RASGRP4: variants seen among roughly 807,000 people sequenced by gnomAD.
The protein encoded by RASGRP4 is RAS guanyl-releasing protein 4.
RASGRP4 carries 52 observed loss-of-function variants against 84.4 expected under a neutral mutation model. That is an observed-to-expected ratio of 0.62 (90% CI 0.49 to 0.78). The LOEUF is 0.78. RASGRP4 is among the 30% of genes least tolerant of loss of function. The probability of loss-of-function intolerance (pLI) is 0.00; values close to 1 mark genes in which losing one functional copy is unlikely to be tolerated. For synonymous variants in RASGRP4, 356 were observed against 359.1 expected (o/e 0.99, Z 0.10); for missense variants, 760 against 886.9 (o/e 0.86, Z 1.82).
chr19:38,422,425 G>T (rs1366482811), intron 1 of RASGRP4, among the ~76,000 whole-genome samples: 1 of 152,106 alleles, frequency 6.6e-6, no homozygotes, highest in African/African-American at 2.4e-5. Context: ...TCAAGACCAG[G>T]GGTCCCCAGC....
Position 38,410,031 on chromosome 19 carries a change from A to AAGAG in RASGRP4, c.*5_*8dup. The AAGAG allele has an allele frequency of 6.2e-7, 1 of 1,609,646 alleles. No homozygotes were observed. ...AAGGGAGTGAGGAAGAGAGGAGACC[A>AAGAG]AGAGATGTCTAGGAATCCAGCTTGG... On this transcript the variant is annotated 3_prime_UTR_variant, in exon 17 of 17. Coordinates refer to ENST00000615439, the MANE Select transcript of RASGRP4 (RefSeq NM_170604.3).
intron 8 of RASGRP4, among the ~76,000 whole-genome samples, chr19:38,416,015 C>T (rs549595917): frequency 6.6e-5 from 10 of 151,126 alleles, no homozygotes; most frequent in African/African-American, 2.4e-4. Flanking sequence ...GCCAAGATTT[C>T]GACACTGTAC....
chr19:38,414,174 C>T (rs1971395325), intron 9 of RASGRP4, among the ~76,000 whole-genome samples: 1 of 152,192 alleles, frequency 6.6e-6, no homozygotes, highest in South Asian at 2.1e-4. Flanking sequence ...ATCCGCCTAC[C>T]TCAGCCTCCC....
At chr19:38,419,691 CTT>C (rs1470855201) in intron 6 of RASGRP4, among the ~76,000 whole-genome samples, 167 bp downstream of exon 6, 1 of 152,222 alleles carries the variant, frequency 6.6e-6, no homozygotes, top group Non-Finnish European at 1.5e-5. Flanking sequence ...GCCTTGGCCT[CTT>C]TAACTCATTT....
chr19:38,416,466 A>C (rs1443637875), intron 8 of RASGRP4, among the ~76,000 whole-genome samples: 1 of 78,534 alleles, frequency 1.3e-5, no homozygotes, highest in Non-Finnish European at 2.1e-5. Context: ...TCTGTCTCAA[A>C]AAAAAAAAAA....
At position 38,409,229 on chromosome 19, in the gene RASGRP4, C is replaced by T. The variant is rs767622128; in HGVS notation, c.*811G>A. ...TGCCCTATAGCACATCTATCCTGTG[C>T]CGTGGGCATGGGTAAGGAGACATTC... On this transcript the variant is annotated 3_prime_UTR_variant, in exon 17 of 17. Coordinates refer to ENST00000615439, the MANE Select transcript of RASGRP4 (RefSeq NM_170604.3). 2.2e-5 allele frequency: 4 copies of T among 183,944 alleles called. No individual in the cohort carries two copies. Among genetic ancestry groups the T allele is most frequent in the Non-Finnish European group, 3.4e-5 (3 of 88,728 alleles). The allele number at this position is 183,944 out of a possible 1,614,324, so 11.4% of individuals were successfully genotyped here.
Position 38,413,293 on chromosome 19 carries a change from G to C in RASGRP4, c.1316C>G (p.Pro439Arg). The change falls in exon 11 of 17, where the codon CCC becomes CGC. Residue 439 changes from proline to arginine, a missense_variant. Pro to Arg is a moderately radical substitution (Grantham distance 103, BLOSUM62 -2). Coordinates refer to ENST00000615439, the MANE Select transcript of RASGRP4 (RefSeq NM_170604.3). The surrounding 1 kb of genome is among the most constrained non-coding windows in gnomAD (Gnocchi z 4.7). ...CACCAGAGGTGCATTGAAGGGGGAG[G>C]GTGGCTGGGGCGGGGACAGAGGAGC... ...REPRCPKSLP[P>R]SPFNAPLVVE... is the part of the protein sequence containing the mutation. 1 of 1,613,482 alleles carries C rather than the reference G, an allele frequency of 6.2e-7. No homozygotes were observed. The highest frequency in any genetic ancestry group is 8.5e-7 in the Non-Finnish European group (1 of 1,179,590).
rs775534220 is a variant in RASGRP4, at chr19:38,410,001, G to C, written c.*39C>G. 3 of 1,566,376 alleles carry C rather than the reference G, an allele frequency of 1.9e-6. No homozygotes were observed. The highest frequency in any genetic ancestry group is 1.7e-6 in the Non-Finnish European group (2 of 1,144,356). ...CTGACGGCAGGACTCAGGACTGACT[G>C]GGGGAAGGGAGTGAGGAAGAGAGGA... On this transcript the variant is annotated 3_prime_UTR_variant, in exon 17 of 17. Transcript: ENST00000615439.
rs753749971 is a variant in RASGRP4, at chr19:38,420,955, T to G, written c.330A>C (p.Thr110=). 12 of 1,613,956 alleles carry G rather than the reference T, an allele frequency of 7.4e-6. No homozygotes were observed. The Admixed American group carries it at 2.0e-4, about 27-fold the overall frequency. ...GCCGTCTCAGCTCCTGGGTGTCCCC[T>G]GTGGCCTTCTGGTATTTGAGTTCTG... ...ARLLTSYQKA[T]GDTQELRRLQ... Residue 110 remains threonine (T), a synonymous_variant, in exon 4 of 17, where the codon ACA becomes ACC. Transcript: ENST00000615439.
Position 38,412,253 on chromosome 19 carries a change from G to A in RASGRP4, c.1680+419C>T, listed in dbSNP as rs942743795. 6.6e-6 allele frequency among the ~76,000 whole-genome samples: 1 copy of A among 152,016 alleles called. No homozygotes were observed. The highest frequency in any genetic ancestry group is 2.4e-5 in the African/African-American group (1 of 41,382). On this transcript the variant is annotated intron_variant, in intron 13 of 16. Coordinates refer to ENST00000615439, the MANE Select transcript of RASGRP4 (RefSeq NM_170604.3). The surrounding 1 kb of genome is among the most constrained non-coding windows in gnomAD (Gnocchi z 4.6). Reference sequence around the variant, plus strand: ...GTGCCTCAGCCTCCTGAGTAGCTGGGATCACAGGTATGCACCACCACATGC... The same window carrying A: ...GTGCCTCAGCCTCCTGAGTAGCTGGAATCACAGGTATGCACCACCACATGC...
In RASGRP4 at chr19:38,421,143, T is replaced by G. The variant is rs1348963464; in HGVS notation, c.266A>C (p.His89Pro). 6.2e-7 allele frequency: 1 copy of G among 1,613,870 alleles called. No individual in the cohort carries two copies. Among genetic ancestry groups the G allele is most frequent in the Admixed American group, 1.7e-5 (1 of 60,012 alleles). Residue 89 changes from histidine (H) to proline (P), a missense_variant, in exon 3 of 17, where the codon CAC becomes CCC. Coordinates refer to ENST00000615439, the MANE Select transcript of RASGRP4 (RefSeq NM_170604.3). Reference sequence around the variant, plus strand: ...GTCGGCGGACGGCAGCACCCAGCTGTGCATGGCCAGCACCATGTTGAGCAT... The same window carrying G: ...GTCGGCGGACGGCAGCACCCAGCTGGGCATGGCCAGCACCATGTTGAGCAT... ...DHMLNMVLAMHSWVLPSADLA... is the reference protein window; with the variant it reads ...DHMLNMVLAMPSWVLPSADLA...
chr19:38,416,510 G>A (rs1308137632), intron 8 of RASGRP4, among the ~76,000 whole-genome samples: 3 of 148,914 alleles, frequency 2.0e-5, no homozygotes, highest in South Asian at 2.1e-4. Context: ...ATGGGGTCTC[G>A]CTATGTTGCC....
At chr19:38,422,598 G>A (rs866677248) in intron 1 of RASGRP4, among the ~76,000 whole-genome samples, 2 of 148,110 alleles carry the variant, frequency 1.4e-5, no homozygotes, top group Admixed American at 6.8e-5. Context: ...TCTAGGCTGC[G>A]TGCTGTTTAT....
chr19:38,412,757 C>T lies in RASGRP4; in HGVS notation c.1595G>A (p.Cys532Tyr). ...TGYLLRASAI[C>Y]SKLGLAFLHT... ...CAGGAAGGCCAGGCCCAACTTGGAG[C>T]AGATGGCGCTGGCCCGGAGCAGGTA... Residue 532 changes from cysteine to tyrosine, a missense_variant, in exon 13 of 17, where the codon TGC becomes TAC. Cys to Tyr is a radical substitution (Grantham distance 194). Coordinates refer to ENST00000615439, the MANE Select transcript of RASGRP4 (RefSeq NM_170604.3). This position sits in a 1 kb window ranked among gnomAD's most constrained non-coding sequence, Gnocchi z 4.6. 6.2e-7 allele frequency: 1 copy of T among 1,610,412 alleles called. No homozygotes were observed. Among genetic ancestry groups the T allele is most frequent in the Non-Finnish European group, 8.5e-7 (1 of 1,178,342 alleles).
At chr19:38,410,129 G>C (rs1371413877) in intron 16 of RASGRP4, 33 bp from the exon 17 acceptor site, 2 of 1,571,756 alleles carry the variant, frequency 1.3e-6, no homozygotes, top group Non-Finnish European at 1.7e-6. Context: ...AAAGATGACA[G>C]ATGATGTGGG....
intron 13 of RASGRP4, 163 bp from the exon 14 acceptor site, chr19:38,411,544 C>T: frequency 1.4e-6 from 1 of 714,888 alleles, no homozygotes; most frequent in African/African-American, 1.8e-5. Flanking sequence ...TACAGTGGCT[C>T]ATGCCAGTAA....
intron 9 of RASGRP4, among the ~76,000 whole-genome samples, chr19:38,414,340 A>C (rs985872071): frequency 1.3e-5 from 2 of 149,020 alleles, no homozygotes; most frequent in Non-Finnish European, 2.9e-5. Context: ...TATTTTGAGA[A>C]GGAGTTTCGC....
chr19:38,424,091 G>A (rs1263708559), intron 1 of RASGRP4, among the ~76,000 whole-genome samples: 1 of 151,972 alleles, frequency 6.6e-6, no homozygotes, highest in Non-Finnish European at 1.5e-5. Context: ...GATAGTCCTT[G>A]GACCTTCTCC....
At chr19:38,421,273 C>A in intron 2 of RASGRP4, 73 bp from the exon 3 acceptor site, 1 of 1,115,720 alleles carries the variant, frequency 9.0e-7, no homozygotes, top group African/African-American at 1.5e-5. Flanking sequence ...CAGATCCTGC[C>A]GGACCACCTG....
Sources: gnomAD v4.1 joint callset for allele counts (sites outside exome capture counted in the v4.1 genomes callset) on GRCh38, gnomAD v4.1.1 for gene constraint, Gnocchi (gnomAD v3.1) non-coding constraint, MANE v1.5 for transcripts, NCBI Gene and HGNC (gene_info 2026-07-23, HGNC 2026-07-21) for gene names.